The following GRM8 variants were observed in gnomAD, a reference collection of about 807,000 sequenced individuals.
GRM8 encodes glutamate metabotropic receptor 8, also known as metabotropic glutamate receptor 8.
In GRM8, 47 loss-of-function variants were observed where a neutral mutation model predicts 87.2. The observed-to-expected ratio is 0.54, with a 90% confidence interval of 0.43 to 0.69. The LOEUF (loss-of-function observed/expected upper bound fraction) is 0.69. GRM8 is among the 30% of genes least tolerant of loss of function. GRM8 has a pLI of 0.00. For missense variants in GRM8, 1,019 were observed against 1,139.2 expected, an observed-to-expected ratio of 0.89 and a Z score of 1.52; for synonymous variants, 396 against 404.5, an observed-to-expected ratio of 0.98 and a Z score of 0.25.
chr7:126,848,364 T>G (rs1313278233), intron 6 of GRM8, among the ~76,000 whole-genome samples: 2 of 152,202 alleles, frequency 1.3e-5, no homozygotes, highest in Non-Finnish European at 2.9e-5. Context: ...TAAGAAAAAG[T>G]ACACACTGAA....
At chr7:126,750,176 C>T (rs934637628) in intron 7 of GRM8, among the ~76,000 whole-genome samples, 3 of 152,044 alleles carry the variant, frequency 2.0e-5, no homozygotes, top group African/African-American at 7.2e-5. Flanking sequence ...AGACACAACA[C>T]AGGTAAATTT....
chr7:126,868,035 A>G (rs1280701505), intron 6 of GRM8, among the ~76,000 whole-genome samples: 1 of 152,228 alleles, frequency 6.6e-6, no homozygotes, highest in Non-Finnish European at 1.5e-5. Context: ...GGTAAGACAT[A>G]GAGCTTGGCT....
intron 6 of GRM8, among the ~76,000 whole-genome samples, chr7:126,781,136 A>G (rs574749985): frequency 5.5e-4 from 84 of 152,312 alleles, no homozygotes; most frequent in African/African-American, 1.9e-3. Context: ...TGTCTAGGAC[A>G]GAAATAGCAT....
chr7:126,813,563 G>A (rs1300890907), intron 6 of GRM8, among the ~76,000 whole-genome samples: 1 of 152,020 alleles, frequency 6.6e-6, no homozygotes, highest in African/African-American at 2.4e-5. Flanking sequence ...AATCATCATT[G>A]GTGGGGAAGA....
intron 6 of GRM8, among the ~76,000 whole-genome samples, chr7:126,846,053 A>C (rs1796687008): frequency 6.6e-6 from 1 of 152,000 alleles, no homozygotes; most frequent in African/African-American, 2.4e-5. Flanking sequence ...AATAGTATAA[A>C]ATATATCTTT....
chr7:127,212,425 T>A (rs1796270971), intron 2 of GRM8, among the ~76,000 whole-genome samples: 1 of 145,622 alleles, frequency 6.9e-6, no homozygotes, highest in Non-Finnish European at 1.5e-5. Flanking sequence ...TTTTTTTTTT[T>A]TTTTTTTTTT....
chr7:126,531,786 C>T (rs1466727054), intron 9 of GRM8, among the ~76,000 whole-genome samples: 1 of 152,232 alleles, frequency 6.6e-6, no homozygotes, highest in African/African-American at 2.4e-5. Flanking sequence ...AATACTCATA[C>T]TAATGAGCTT....
At chr7:126,959,016 T>C (rs1319914401) in intron 3 of GRM8, among the ~76,000 whole-genome samples, 1 of 152,054 alleles carries the variant, frequency 6.6e-6, no homozygotes, top group Non-Finnish European at 1.5e-5. Context: ...TTCAGAAACA[T>C]GGAAAAAATT....
intron 9 of GRM8, among the ~76,000 whole-genome samples, chr7:126,516,570 A>T (rs56065814): frequency 0.32 from 48,954 of 151,984 alleles, 8,263 homozygotes; most frequent in South Asian, 0.41. Context: ...CTAAGCAAGC[A>T]TCTATGATTT....
At chr7:126,486,743 G>T (rs933156509) in intron 9 of GRM8, among the ~76,000 whole-genome samples, 29 of 151,958 alleles carry the variant, frequency 1.9e-4, no homozygotes, top group African/African-American at 6.3e-4. Context: ...AATAACAAAG[G>T]TAAGCCCATT....
intron 3 of GRM8, among the ~76,000 whole-genome samples, chr7:126,905,617 C>A (rs1802598628): frequency 1.3e-5 from 2 of 152,170 alleles, no homozygotes; most frequent in Non-Finnish European, 2.9e-5. Context: ...ATTGCCAATG[C>A]ACTCAGTCAT....
intron 3 of GRM8, among the ~76,000 whole-genome samples, chr7:127,045,364 T>C (rs1818824091): frequency 6.6e-6 from 1 of 151,344 alleles, no homozygotes; most frequent in African/African-American, 2.4e-5. Flanking sequence ...TATATCCCAA[T>C]ATCTTCCACC....
chr7:126,601,508 C>A (rs909392608), intron 8 of GRM8, among the ~76,000 whole-genome samples: 4 of 152,056 alleles, frequency 2.6e-5, no homozygotes, highest in Admixed American at 6.6e-5. Context: ...AATCGCCACA[C>A]TGACTTCCAC....
rs909934366 is a variant in GRM8 at position 126,831,362 on chromosome 7, C to T, written c.1157-61297G>A. Among the ~76,000 whole-genome samples the T allele has an allele frequency of 9.6e-3, 1,466 of 152,300 alleles. 14 individuals carry two copies. The highest frequency in any genetic ancestry group is 0.033 in the African/African-American group (1,362 of 41,578). On this transcript the variant is annotated intron_variant, in intron 6 of 10. Coordinates refer to ENST00000339582, the MANE Select transcript of GRM8 (RefSeq NM_000845.3). ...GAGCTGTGGTGGGCTCCACCCAGTT[C>T]GAGCTTCCCGGCTGCTTTGTTTACC... is the stretch of plus-strand genomic sequence containing the variant.
chr7:126,635,476 G>A (rs1801765022), intron 7 of GRM8, among the ~76,000 whole-genome samples: 1 of 152,054 alleles, frequency 6.6e-6, no homozygotes, highest in Non-Finnish European at 1.5e-5. Context: ...GTTGCCTTCT[G>A]TTGAGGCCTA....
chr7:127,239,130 T>C (rs774756577), intron 2 of GRM8, among the ~76,000 whole-genome samples: 7 of 152,194 alleles, frequency 4.6e-5, no homozygotes, highest in Non-Finnish European at 8.8e-5. Flanking sequence ...GAAGATGTTG[T>C]CTCCTTCACA....
At chr7:126,787,944 AT>A (rs1056245590) in intron 6 of GRM8, among the ~76,000 whole-genome samples, 3 of 152,164 alleles carry the variant, frequency 2.0e-5, no homozygotes, top group African/African-American at 7.2e-5. Context: ...TAGACAAAAA[AT>A]ATCACCTAAA....
intron 7 of GRM8, among the ~76,000 whole-genome samples, chr7:126,654,080 C>T (rs923777911): frequency 2.6e-5 from 4 of 152,176 alleles, no homozygotes; most frequent in Admixed American, 6.5e-5. Flanking sequence ...TTCAAGTGAA[C>T]TCTCTATATA....
intron 3 of GRM8, among the ~76,000 whole-genome samples, chr7:126,914,408 C>G (rs1271822054): frequency 1.3e-5 from 2 of 152,106 alleles, no homozygotes; most frequent in African/African-American, 4.8e-5. Context: ...ACCCAGCAAC[C>G]CCATTACTTG....
Sources: gnomAD v4.1 joint callset for allele counts (sites outside exome capture counted in the v4.1 genomes callset) on GRCh38, gnomAD v4.1.1 for gene constraint, MANE v1.5 for transcripts, NCBI Gene and HGNC (gene_info 2026-07-23, HGNC 2026-07-21) for gene names.